ITPK1: variants seen among roughly 807,000 people sequenced by gnomAD.
ITPK1 encodes the protein inositol 1,3,4-trisphosphate 5/6-kinase.
Under a neutral mutation model 45.3 loss-of-function variants are expected in ITPK1, and 21 were observed. That is an observed-to-expected ratio of 0.46 (90% confidence interval 0.33 to 0.67). The LOEUF is 0.67. ITPK1 is among the 30% of genes least tolerant of loss of function. The pLI is 0.02. For synonymous variants in ITPK1, 258 were observed against 253.6 expected, an observed-to-expected ratio of 1.02 and a Z score of -0.16; for missense variants, 474 against 573.5, an observed-to-expected ratio of 0.83 and a Z score of 1.77.
intron 5 of ITPK1, among the ~76,000 whole-genome samples, chr14:92,967,974 T>G (rs562787854): frequency 6.6e-6 from 1 of 152,278 alleles, no homozygotes; most frequent in East Asian, 1.9e-4. Context: ...CTAGAATTAG[T>G]AGTGATGACC....
At chr14:93,019,754 G>A (rs1888374061) in intron 3 of ITPK1, among the ~76,000 whole-genome samples, 1 of 152,204 alleles carries the variant, frequency 6.6e-6, no homozygotes, top group Non-Finnish European at 1.5e-5. Context: ...ACAGGAGAAA[G>A]GGCCCAGCTC....
At chr14:93,043,183 A>C (rs1038695079) in intron 3 of ITPK1, among the ~76,000 whole-genome samples, 3 of 152,162 alleles carry the variant, frequency 2.0e-5, no homozygotes, top group Admixed American at 2.0e-4. Flanking sequence ...CGTGGGCCAC[A>C]GGTGGTTTCA....
intron 9 of ITPK1, 99 bp downstream of exon 9, chr14:92,951,847 G>A: frequency 1.1e-6 from 1 of 929,056 alleles, no homozygotes; most frequent in Non-Finnish European, 1.7e-6. Context: ...ACCCTACCCT[G>A]CTGGAGAGCT....
At chr14:92,995,929 G>A (rs1362700735) in intron 4 of ITPK1, among the ~76,000 whole-genome samples, 3 of 152,156 alleles carry the variant, frequency 2.0e-5, no homozygotes, top group Non-Finnish European at 4.4e-5. Flanking sequence ...CTGATCCCTC[G>A]TCTCATTTGG....
intron 3 of ITPK1, among the ~76,000 whole-genome samples, chr14:93,050,237 G>A (rs1032322441): frequency 5.9e-5 from 9 of 152,194 alleles, no homozygotes; most frequent in Non-Finnish European, 1.2e-4. Flanking sequence ...TCCTGCTGGT[G>A]CTGCCAGCCT....
chr14:93,045,296 G>A (rs35584079), intron 3 of ITPK1, among the ~76,000 whole-genome samples: 35,082 of 152,162 alleles, frequency 0.23, 5,934 homozygotes, highest in African/African-American at 0.48. Flanking sequence ...CCATGCAGCC[G>A]GCCAGGAAAC....
At chr14:93,046,334 G>A (rs1013498810) in intron 3 of ITPK1, among the ~76,000 whole-genome samples, 5 of 152,304 alleles carry the variant, frequency 3.3e-5, no homozygotes, top group Non-Finnish European at 7.3e-5. Flanking sequence ...GAGAAACAGC[G>A]CTAGCCCGGG....
chr14:93,035,848 C>T (rs1020275468), intron 3 of ITPK1, among the ~76,000 whole-genome samples: 1 of 152,226 alleles, frequency 6.6e-6, no homozygotes, highest in African/African-American at 2.4e-5. Context: ...CTGGGCCTGT[C>T]ACCTCCCACC....
In ITPK1 at chr14:93,076,587, G is replaced by A. The variant is rs767050677; in HGVS notation, c.120+8C>T. The A allele has an allele frequency of 3.1e-6, 5 of 1,614,066 alleles. No homozygotes were observed. Among genetic ancestry groups the A allele is most frequent in the Non-Finnish European group, 4.2e-6 (5 of 1,180,046 alleles). On this transcript the variant is annotated splice_region_variant and intron_variant, in intron 3 of 10. Coordinates refer to ENST00000267615, the MANE Select transcript of ITPK1 (RefSeq NM_014216.6). The surrounding 1 kb of genome is among the most constrained non-coding windows in gnomAD (Gnocchi z 4.3). ...CCAAAGAACCACGGGGACGCGGTCT[G>A]TACTCACCTGCACAACCTCCATCCC...
intron 3 of ITPK1, among the ~76,000 whole-genome samples, chr14:93,060,514 C>T (rs983910656): frequency 6.6e-6 from 1 of 152,012 alleles, no homozygotes; most frequent in Non-Finnish European, 1.5e-5. Context: ...CTGGAACAGG[C>T]GAGTATCAGC....
In ITPK1 at chr14:92,958,109, T is replaced by C. The variant is rs916422856; in HGVS notation, c.670+92A>G. 4.4e-5 allele frequency: 54 copies of C among 1,235,206 alleles called. No homozygotes were observed. In the African/African-American group the frequency reaches 6.5e-4, roughly 15 times the overall value. The allele number at this position is 1,235,206 out of a possible 1,614,324, so 76.5% of individuals were successfully genotyped here. On this transcript the variant is annotated intron_variant, in intron 8 of 10. Coordinates refer to ENST00000267615, the MANE Select transcript of ITPK1 (RefSeq NM_014216.6). This position sits in a 1 kb window ranked among gnomAD's most constrained non-coding sequence, Gnocchi z 4.4. ...CCATCCCACCAAGAACACAGGGTGG[T>C]TGGGGCAGTGCCGAAGGACAGACAG...
chr14:93,081,124 C>T (rs1254720584), intron 2 of ITPK1, among the ~76,000 whole-genome samples: 1 of 151,592 alleles, frequency 6.6e-6, no homozygotes, highest in East Asian at 1.9e-4. Flanking sequence ...CACCTGAGGT[C>T]AGGAGTTCGA....
intron 4 of ITPK1, among the ~76,000 whole-genome samples, chr14:93,015,250 A>C (rs564557706): frequency 1.2e-4 from 19 of 152,284 alleles, no homozygotes; most frequent in African/African-American, 4.3e-4. Context: ...GACAAGCTGC[A>C]CATGCTTCCA....
At position 92,939,833 on chromosome 14, in the gene ITPK1, T is replaced by G; in HGVS notation, c.*1728A>C. 1.0e-6 allele frequency: 1 copy of G among 985,808 alleles called. No homozygotes were observed. The highest frequency in any genetic ancestry group is 1.2e-6 in the Non-Finnish European group (1 of 829,924). 61.1% of individuals were successfully genotyped at this position (985,808 alleles called of 1,614,324 possible). On this transcript the variant is annotated 3_prime_UTR_variant, in exon 11 of 11. Coordinates refer to ENST00000267615, the MANE Select transcript of ITPK1 (RefSeq NM_014216.6). Reference sequence around the variant, plus strand: ...GGACTGGGAGTATGACATAACAAACTTGAGCAACATGTGTAAACACGTGTG... The same window carrying G: ...GGACTGGGAGTATGACATAACAAACGTGAGCAACATGTGTAAACACGTGTG...
intron 3 of ITPK1, among the ~76,000 whole-genome samples, chr14:93,017,950 G>C (rs1002061997): frequency 2.0e-5 from 3 of 152,224 alleles, no homozygotes; most frequent in Non-Finnish European, 4.4e-5. Context: ...AACCTGCCTA[G>C]GGTCTCACAG....
In ITPK1 at chr14:93,014,995, C is replaced by T. The variant is rs1888103315; in HGVS notation, c.246+1681G>A. The stretch of plus-strand genomic sequence containing the variant: ...GGCTGTGCTCCTCCAGAGAATAAGC[C>T]CCAAGGGCACCACAGGCACATGAAC... On this transcript the variant is annotated intron_variant, in intron 4 of 10. Coordinates refer to ENST00000267615, the MANE Select transcript of ITPK1 (RefSeq NM_014216.6). The surrounding 1 kb of genome is among the most constrained non-coding windows in gnomAD (Gnocchi z 4.4). 6.6e-6 allele frequency among the ~76,000 whole-genome samples: 1 copy of T among 152,200 alleles called. No homozygotes were observed. Among genetic ancestry groups the T allele is most frequent in the Non-Finnish European group, 1.5e-5 (1 of 68,036 alleles).
chr14:92,977,589 AT>A (rs1310745072), intron 5 of ITPK1, among the ~76,000 whole-genome samples: 7 of 151,978 alleles, frequency 4.6e-5, no homozygotes. Context: ...ATGGGGGTGG[AT>A]TTCCCCCTCG....
rs185200832 is a variant in ITPK1, at chr14:93,064,269, C to G, written c.120+12326G>C. On this transcript the variant is annotated intron_variant, in intron 3 of 10. Coordinates refer to ENST00000267615, the MANE Select transcript of ITPK1 (RefSeq NM_014216.6). The stretch of plus-strand genomic sequence containing the variant: ...CTGCACTCCAGCCTGGGCGACAGAG[C>G]GAGACTCCATCTCAAAAAATAAAAA... Among the ~76,000 whole-genome samples the G allele has an allele frequency of 7.1e-3, 1,088 of 152,202 alleles. 18 individuals carry two copies. The highest frequency in any genetic ancestry group is 0.025 in the African/African-American group (1,031 of 41,534).
rs191964811 is a variant in ITPK1, at chr14:92,940,364, G to A, written c.*1197C>T. ...CCCAACCCTTTTCTCTGCAGAGGGGGCTGCCTGGATCAGGGGTCAGACGGC... is the reference window on the plus strand; with the variant it reads ...CCCAACCCTTTTCTCTGCAGAGGGGACTGCCTGGATCAGGGGTCAGACGGC... On this transcript the variant is annotated 3_prime_UTR_variant, in exon 11 of 11. Coordinates refer to ENST00000267615, the MANE Select transcript of ITPK1 (RefSeq NM_014216.6). The A allele has an allele frequency of 9.9e-7, 1 of 1,010,618 alleles. No individual in the cohort carries two copies. Among genetic ancestry groups the A allele is most frequent in the Non-Finnish European group, 1.2e-6 (1 of 844,584 alleles). The allele number at this position is 1,010,618 out of a possible 1,614,324, so 62.6% of individuals were successfully genotyped here. A position where few individuals can be genotyped will look rare whatever the true frequency, so the allele number is the denominator to read the frequency against.
Sources: allele counts gnomAD v4.1 joint callset (sites outside exome capture counted in the v4.1 genomes callset), GRCh38; gene constraint gnomAD v4.1.1; non-coding constraint Gnocchi (gnomAD v3.1); transcripts MANE v1.5; gene names NCBI Gene and HGNC (gene_info 2026-07-23, HGNC 2026-07-21).